STMN4: variants seen among roughly 807,000 people sequenced by gnomAD.
STMN4 encodes the protein stathmin 4.
STMN4 carries 12 observed loss-of-function variants against 29.1 expected under a neutral mutation model. The ratio of observed to expected loss-of-function variants is 0.41; its 90% CI spans 0.26 to 0.67. The LOEUF is 0.67. Ranked by LOEUF, STMN4 falls within the 30% of genes least tolerant of loss-of-function variation. STMN4 has a pLI of 0.30. For synonymous variants in STMN4, 114 were observed against 105.3 expected, an observed-to-expected ratio of 1.08 and a Z score of -0.51; for missense variants, 181 against 262.8, an observed-to-expected ratio of 0.69 and a Z score of 2.15.
chr8:27,237,645 CCTT>C (rs1329752997), intron 6 of STMN4, among the ~76,000 whole-genome samples: 2 of 152,196 alleles, frequency 1.3e-5, no homozygotes, highest in African/African-American at 4.8e-5. Context: ...TATAAGAGAA[CCTT>C]CTTTTATTTC....
Position 27,241,668 on chromosome 8 carries a change from C to G in STMN4, c.190+9G>C. On this transcript the variant is annotated intron_variant, in intron 4 of 6. Transcript: ENST00000350889. ...GGCCTGCGGAATCCCTCCGCTGCCT[C>G]CCTCCTACCCTGAGCTCTTCTTTCT... 6.2e-7 allele frequency: 1 copy of G among 1,614,156 alleles called. No homozygotes were observed. The highest frequency in any genetic ancestry group is 8.5e-7 in the Non-Finnish European group (1 of 1,179,994).
chr8:27,257,389 G>C (rs557069434), intron 1 of STMN4, among the ~76,000 whole-genome samples: 1 of 151,292 alleles, frequency 6.6e-6, no homozygotes, highest in African/African-American at 2.4e-5. Flanking sequence ...AAGACAGGGG[G>C]TATCCCTTCC....
At chr8:27,247,088 C>T (rs139806911) in intron 1 of STMN4, among the ~76,000 whole-genome samples, 3 of 151,982 alleles carry the variant, frequency 2.0e-5, no homozygotes, top group Non-Finnish European at 4.4e-5. Context: ...AACCCCATCT[C>T]TACTAAAAAT....
chr8:27,243,744 G>A lies in STMN4; in HGVS notation c.-21C>T. The A allele has an allele frequency of 8.1e-6, 13 of 1,614,226 alleles. No homozygotes were observed. The highest frequency in any genetic ancestry group is 1.1e-5 in the Non-Finnish European group (13 of 1,180,042). ...GTCATGTTTCTGGGATCTGGTGGCTGAATCTAGCTGAAAGTTACAGAGTGG... is the reference window on the plus strand; with the variant it reads ...GTCATGTTTCTGGGATCTGGTGGCTAAATCTAGCTGAAAGTTACAGAGTGG... On this transcript the variant is annotated 5_prime_UTR_variant, in exon 2 of 7. Transcript: ENST00000350889.
intron 1 of STMN4, among the ~76,000 whole-genome samples, chr8:27,252,847 G>A (rs1801831532): frequency 2.0e-5 from 3 of 152,198 alleles, no homozygotes; most frequent in Admixed American, 2.0e-4. Context: ...TTGAAGGGCA[G>A]GCAAATACCC....
At chr8:27,245,461 C>T (rs1801598476) in intron 1 of STMN4, among the ~76,000 whole-genome samples, 1 of 152,232 alleles carries the variant, frequency 6.6e-6, no homozygotes, top group African/African-American at 2.4e-5. Flanking sequence ...TCTCCTTGTT[C>T]TTGTTGTTGT....
chr8:27,253,985 A>T (rs1226960390), intron 1 of STMN4, among the ~76,000 whole-genome samples: 4 of 151,948 alleles, frequency 2.6e-5, no homozygotes, highest in African/African-American at 9.7e-5. Flanking sequence ...ATTTCACCAT[A>T]TTGGCCAGGC....
At chr8:27,247,627 A>C (rs1345225401) in intron 1 of STMN4, among the ~76,000 whole-genome samples, 1 of 152,218 alleles carries the variant, frequency 6.6e-6, no homozygotes, top group Non-Finnish European at 1.5e-5. Flanking sequence ...ATGCCACAGC[A>C]ATATACAGCC....
In STMN4 at chr8:27,236,728, G is replaced by A. The variant is rs1462130277; in HGVS notation, c.*118C>T. On this transcript the variant is annotated 3_prime_UTR_variant, in exon 7 of 7. Coordinates refer to ENST00000350889, the MANE Select transcript of STMN4 (RefSeq NM_030795.4). ...CCAAAAGCAGAGGAAACGCCCCTTGGCCACCCCCCTCCCCCCAAACCCCAG... is the reference window on the plus strand; with the variant it reads ...CCAAAAGCAGAGGAAACGCCCCTTGACCACCCCCCTCCCCCCAAACCCCAG... 1.1e-6 allele frequency: 1 copy of A among 888,124 alleles called. No individual in the cohort carries two copies. The highest frequency in any genetic ancestry group is 1.6e-6 in the Non-Finnish European group (1 of 614,026). 55.0% of individuals were successfully genotyped at this position (888,124 alleles called of 1,614,324 possible).
chr8:27,239,777 T>A, intron 6 of STMN4, 194 bp downstream of exon 6: 1 of 1,526,452 alleles, frequency 6.6e-7, no homozygotes, highest in Non-Finnish European at 8.8e-7. Context: ...AAACCCTGAG[T>A]CTGGTTCCTA....
rs1359027446 is a variant in STMN4 at position 27,239,503 on chromosome 8, G to A, written c.591+468C>T. The A allele has an allele frequency of 7.3e-6, 5 of 687,576 alleles. No individual in the cohort carries two copies. The African/African-American group carries it at 9.0e-5, about 12-fold the overall frequency. 42.6% of individuals were successfully genotyped at this position (687,576 alleles called of 1,614,324 possible). A position where few individuals can be genotyped will look rare whatever the true frequency, so the allele number is the denominator to read the frequency against. ...GAAAGACCTGTGACTCACTGGGTCTGTGTCAAGAGGTTTAGAGAGAATCAT... is the reference window on the plus strand; with the variant it reads ...GAAAGACCTGTGACTCACTGGGTCTATGTCAAGAGGTTTAGAGAGAATCAT... On this transcript the variant is annotated intron_variant, in intron 6 of 6. Transcript: ENST00000350889.
At chr8:27,237,893 C>T (rs1801354923) in intron 6 of STMN4, among the ~76,000 whole-genome samples, 3 of 152,194 alleles carry the variant, frequency 2.0e-5, no homozygotes, top group African/African-American at 4.8e-5. Context: ...GTAGGGACCA[C>T]ATTATCTTTT....
chr8:27,258,094 A>G (rs1199595697), intron 1 of STMN4, among the ~76,000 whole-genome samples: 1 of 152,166 alleles, frequency 6.6e-6, no homozygotes, highest in Non-Finnish European at 1.5e-5. Context: ...ATAGCATCTG[A>G]CAATTCCCAC....
intron 1 of STMN4, among the ~76,000 whole-genome samples, chr8:27,247,643 G>C (rs188805096): frequency 1.8e-4 from 27 of 152,326 alleles, no homozygotes; most frequent in African/African-American, 5.8e-4. Context: ...CAGCCTGCAA[G>C]GGAGCGAGGG....
chr8:27,254,852 G>T (rs1801895890), intron 1 of STMN4, among the ~76,000 whole-genome samples: 1 of 139,458 alleles, frequency 7.2e-6, no homozygotes. Flanking sequence ...GGATGGAGTG[G>T]GAGCACTCAT....
chr8:27,241,649 C>T (rs562917519), intron 4 of STMN4, 28 bp downstream of exon 4: 9 of 1,613,414 alleles, frequency 5.6e-6, no homozygotes, highest in South Asian at 3.3e-5. Context: ...GCTCGGCCTG[C>T]GGAATCCCTC....
At chr8:27,247,042 G>A (rs1046373400) in intron 1 of STMN4, among the ~76,000 whole-genome samples, 4 of 151,994 alleles carry the variant, frequency 2.6e-5, no homozygotes, top group Non-Finnish European at 5.9e-5. Context: ...TCACTTTGAG[G>A]TCAGGAGTTT....
intron 1 of STMN4, among the ~76,000 whole-genome samples, chr8:27,247,857 AC>A (rs1487242323): frequency 6.6e-6 from 1 of 152,190 alleles, no homozygotes; most frequent in Non-Finnish European, 1.5e-5. Context: ...GGAAGGCAAA[AC>A]CCAGTGCAGA....
chr8:27,238,666 C>T (rs1031854422), intron 6 of STMN4, among the ~76,000 whole-genome samples: 4 of 152,220 alleles, frequency 2.6e-5, no homozygotes, highest in African/African-American at 9.6e-5. Flanking sequence ...CCCTGAACCA[C>T]TTGGACTTGG....
Sources: gnomAD v4.1 joint callset for allele counts (sites outside exome capture counted in the v4.1 genomes callset) on GRCh38, gnomAD v4.1.1 for gene constraint, MANE v1.5 for transcripts, NCBI Gene and HGNC (gene_info 2026-07-23, HGNC 2026-07-21) for gene names.